FGF14: variants seen among roughly 807,000 people sequenced by gnomAD.
FGF14 encodes the protein fibroblast growth factor homologous factor 4.
FGF14 carries 5 observed loss-of-function variants against 25.5 expected under a neutral mutation model. That is an observed-to-expected ratio of 0.20 (90% CI 0.10 to 0.41). The LOEUF is 0.41. Among genes scored for constraint, FGF14 ranks in the 10% least tolerant of loss-of-function variants. The pLI is 1.00. For missense variants in FGF14, 222 were observed against 320.1 expected (o/e 0.69, Z 2.34); for synonymous variants, 138 against 118.3 (o/e 1.17, Z -1.08).
intron 3 of FGF14, among the ~76,000 whole-genome samples, chr13:101,861,284 G>A (rs1363594806): frequency 6.6e-6 from 1 of 151,990 alleles, no homozygotes; most frequent in Admixed American, 6.6e-5. Flanking sequence ...TAATCCACTT[G>A]GATGTCCTGT....
chr13:101,847,087 C>G (rs2043502437), intron 3 of FGF14, among the ~76,000 whole-genome samples: 1 of 152,114 alleles, frequency 6.6e-6, no homozygotes, highest in Middle Eastern at 3.4e-3. Context: ...AAATTCAACA[C>G]TTCTACCTAG....
At chr13:101,902,298 T>C (rs1325630669) in intron 1 of FGF14, among the ~76,000 whole-genome samples, 2 of 152,178 alleles carry the variant, frequency 1.3e-5, no homozygotes, top group Non-Finnish European at 2.9e-5. Flanking sequence ...TTTCTCTTTC[T>C]TTTTTTAAGC....
At chr13:101,763,088 T>C (rs2038133923) in intron 3 of FGF14, among the ~76,000 whole-genome samples, 1 of 150,318 alleles carries the variant, frequency 6.7e-6, no homozygotes, top group African/African-American at 2.5e-5. Context: ...TGGAAGTGTG[T>C]AGAATGCACA....
chr13:102,357,929 C>A (rs1053847200), intron 1 of FGF14, among the ~76,000 whole-genome samples: 4 of 152,092 alleles, frequency 2.6e-5, no homozygotes, highest in Non-Finnish European at 4.4e-5. Context: ...ATTATACCAG[C>A]AGTTACACAC....
intron 3 of FGF14, among the ~76,000 whole-genome samples, chr13:101,816,867 C>T (rs763154730): frequency 9.9e-5 from 15 of 152,176 alleles, no homozygotes; most frequent in Admixed American, 5.2e-4. Context: ...ATCACTGTTA[C>T]CAGTGGGAAA....
chr13:101,928,159 T>G (rs900026830), intron 1 of FGF14, among the ~76,000 whole-genome samples: 2 of 152,222 alleles, frequency 1.3e-5, no homozygotes, highest in Non-Finnish European at 2.9e-5. Context: ...GTGGAAGGTC[T>G]GCTGCCCAGG....
chr13:101,979,091 T>C (rs1386395582), intron 1 of FGF14, among the ~76,000 whole-genome samples: 1 of 152,210 alleles, frequency 6.6e-6, no homozygotes, highest in Non-Finnish European at 1.5e-5. Context: ...TGTGGTATGG[T>C]TGGAGGCATG....
At chr13:102,041,582 GT>G (rs1406118650) in intron 1 of FGF14, among the ~76,000 whole-genome samples, 3 of 87,908 alleles carry the variant, frequency 3.4e-5, no homozygotes, top group Non-Finnish European at 5.8e-5. Flanking sequence ...GTGTTTCCAT[GT>G]AAAAAAAAAA....
chr13:101,737,574 TTCTG>T (rs2036269829), intron 3 of FGF14, among the ~76,000 whole-genome samples: 2 of 152,204 alleles, frequency 1.3e-5, no homozygotes, highest in Non-Finnish European at 2.9e-5. Flanking sequence ...TCTCTGCCCA[TTCTG>T]TCTTGAATAA....
upstream of FGF14, among the ~76,000 whole-genome samples, chr13:101,920,486 C>T (rs1273704795): frequency 2.0e-5 from 3 of 152,134 alleles, no homozygotes; most frequent in Non-Finnish European, 4.4e-5. Context: ...TTTTCAACTG[C>T]TGTGAGATTA....
intron 1 of FGF14, among the ~76,000 whole-genome samples, chr13:102,307,238 A>T (rs1033496062): frequency 6.6e-6 from 1 of 152,158 alleles, no homozygotes; most frequent in East Asian, 1.9e-4. Context: ...TCCAACATCC[A>T]AGTGAGCAAT....
At chr13:101,896,336 G>A (rs1332364508) in intron 1 of FGF14, among the ~76,000 whole-genome samples, 3 of 152,034 alleles carry the variant, frequency 2.0e-5, no homozygotes, top group Non-Finnish European at 4.4e-5. Context: ...CTTTTGCATT[G>A]CGTTTGCCTG....
intron 1 of FGF14, among the ~76,000 whole-genome samples, chr13:102,191,563 C>G (rs72647405): frequency 4.6e-5 from 7 of 151,912 alleles, no homozygotes; most frequent in Non-Finnish European, 7.4e-5. Context: ...CACCCGAAAG[C>G]CTCATCTCTG....
In FGF14 at chr13:102,401,645, CAG is replaced by C. The variant is rs1300156752; in HGVS notation, c.32_33del (p.Thr11ArgfsTer19). 1.9e-6 allele frequency: 3 copies of C among 1,614,080 alleles called. No homozygotes were observed. The highest frequency in any genetic ancestry group is 1.3e-5 in the African/African-American group (1 of 75,032). ...TGGTTGCATAATAATAATTTGAAAT[CAG>C]TTCTCCTGAAGAGGGGCACCGGTTT... is the stretch of plus-strand genomic sequence containing the variant. On this transcript the variant is annotated frameshift_variant, in exon 1 of 5. Coordinates refer to the FGF14 transcript ENST00000376131. LOFTEE classifies it high-confidence loss of function.
intron 1 of FGF14, among the ~76,000 whole-genome samples, chr13:102,019,207 G>A (rs1020018417): frequency 6.6e-6 from 1 of 152,114 alleles, no homozygotes; most frequent in African/African-American, 2.4e-5. Flanking sequence ...AGGTCCAAGT[G>A]AATTGGAGTC....
chr13:101,927,996 C>T (rs538487250), intron 1 of FGF14, among the ~76,000 whole-genome samples: 22 of 152,180 alleles, frequency 1.4e-4, no homozygotes, highest in Non-Finnish European at 2.8e-4. Context: ...CTTTCATCCC[C>T]GGTGACACTA....
intron 1 of FGF14, among the ~76,000 whole-genome samples, chr13:101,953,651 C>T (rs1257566942): frequency 2.7e-5 from 4 of 150,018 alleles, no homozygotes; most frequent in Admixed American, 2.0e-4. Context: ...AGTACAATGG[C>T]GCAATCTTGG....
rs1020334092 is a variant in FGF14 at position 101,717,368 on chromosome 13, C to A, written c.*5463G>T. On this transcript the variant is annotated 3_prime_UTR_variant, in exon 5 of 5. Coordinates refer to ENST00000376143, the MANE Select transcript of FGF14 (RefSeq NM_004115.4). ...CATGTTGTAGTTCTATTATTGAGTA[C>A]GTAAATTGATAGATCTCTTCCGTAA... is the stretch of plus-strand genomic sequence containing the variant. 8 of 151,968 alleles carry A rather than the reference C, an allele frequency of 5.3e-5. No homozygotes were observed. The highest frequency in any genetic ancestry group is 1.9e-4 in the African/African-American group (8 of 41,370). The allele number at this position is 151,968 out of a possible 1,614,324, so 9.4% of individuals were successfully genotyped here. A position where few individuals can be genotyped will look rare whatever the true frequency, so the allele number is the denominator to read the frequency against.
At chr13:102,017,201 GT>G (rs1387472908) in intron 1 of FGF14, 2 of 291,882 alleles carry the variant, frequency 6.9e-6, no homozygotes, top group Non-Finnish European at 1.3e-5. Context: ...AGTTTTACTT[GT>G]TGATTTTTGG....
Sources: allele counts gnomAD v4.1 joint callset (sites outside exome capture counted in the v4.1 genomes callset), GRCh38; gene constraint gnomAD v4.1.1; transcripts MANE v1.5; gene names NCBI Gene and HGNC (gene_info 2026-07-23, HGNC 2026-07-21).